Variants in PTK2 observed in about 807,000 individuals in gnomAD.
The protein encoded by PTK2 is protein tyrosine kinase 2.
Under a neutral mutation model 150.1 loss-of-function variants are expected in PTK2, and 45 were observed. The observed-to-expected ratio is 0.30, with a 90% CI of 0.24 to 0.38. PTK2 has a LOEUF of 0.38. Among genes scored for constraint, PTK2 ranks in the 10% least tolerant of loss-of-function variants. The pLI is 1.00. For synonymous variants in PTK2, 432 were observed against 449.2 expected (o/e 0.96, Z 0.48); for missense variants, 919 against 1,307.3 (o/e 0.70, Z 4.58).
At chr8:140,832,816 A>G (rs1171110438) in intron 7 of PTK2, 1 of 518,768 alleles carries the variant, frequency 1.9e-6, no homozygotes, top group Non-Finnish European at 3.8e-6. Context: ...AAACAGACCC[A>G]TGGGCAAGGT....
At chr8:140,854,441 T>C (rs924665519) in intron 5 of PTK2, among the ~76,000 whole-genome samples, 16 of 152,162 alleles carry the variant, frequency 1.1e-4, no homozygotes, top group African/African-American at 3.9e-4. Context: ...CTTTAACAAA[T>C]GAAAGTTGTG....
chr8:140,900,497 G>C (rs1042060207), intron 2 of PTK2, among the ~76,000 whole-genome samples: 111 of 152,104 alleles, frequency 7.3e-4, no homozygotes, highest in African/African-American at 2.6e-3. Flanking sequence ...CAAGGCAGGC[G>C]TATCACTAGA....
At chr8:140,698,122 G>A (rs1418243941) in intron 26 of PTK2, among the ~76,000 whole-genome samples, 1 of 152,010 alleles carries the variant, frequency 6.6e-6, no homozygotes, top group Non-Finnish European at 1.5e-5. Context: ...ATACTCTGCT[G>A]CCTCCCCCAA....
chr8:140,995,297 C>A (rs1456377678), intron 1 of PTK2, among the ~76,000 whole-genome samples: 11 of 147,614 alleles, frequency 7.5e-5, no homozygotes, highest in Admixed American at 3.4e-4. Context: ...GCAGGCGAAT[C>A]GCTTGAACCT....
intron 1 of PTK2, among the ~76,000 whole-genome samples, chr8:140,928,232 T>G (rs932267885): frequency 2.0e-5 from 3 of 152,014 alleles, no homozygotes; most frequent in East Asian, 3.8e-4. Flanking sequence ...ATCTAAAAAT[T>G]TGTATCATTA....
intron 1 of PTK2, among the ~76,000 whole-genome samples, chr8:140,972,241 T>A (rs1262513086): frequency 6.6e-6 from 1 of 152,128 alleles, no homozygotes; most frequent in Non-Finnish European, 1.5e-5. Context: ...TATGCTCAAT[T>A]GTTTTTATTA....
At chr8:140,846,984 T>A (rs2100125968) in intron 5 of PTK2, among the ~76,000 whole-genome samples, 1 of 152,068 alleles carries the variant, frequency 6.6e-6, no homozygotes, top group Non-Finnish European at 1.5e-5. Flanking sequence ...AAAAAATAAT[T>A]AAAGAAATAA....
chr8:140,785,131 T>C (rs1039790988), intron 14 of PTK2, among the ~76,000 whole-genome samples: 1 of 152,138 alleles, frequency 6.6e-6, no homozygotes, highest in Non-Finnish European at 1.5e-5. Flanking sequence ...TAATGATTCC[T>C]AGGAAAAAAT....
chr8:140,835,607 A>T (rs964605655), intron 7 of PTK2, among the ~76,000 whole-genome samples: 2 of 152,118 alleles, frequency 1.3e-5, no homozygotes, highest in African/African-American at 4.8e-5. Context: ...CATCCTGGGG[A>T]TGAAGTTGTC....
chr8:140,950,927 A>G (rs1468300706), intron 1 of PTK2, among the ~76,000 whole-genome samples: 1 of 152,116 alleles, frequency 6.6e-6, no homozygotes, highest in Non-Finnish European at 1.5e-5. Context: ...CCCCACAGAT[A>G]TGGAGGGATC....
intron 2 of PTK2, among the ~76,000 whole-genome samples, chr8:140,892,033 T>C (rs944498560): frequency 2.6e-5 from 4 of 151,780 alleles, no homozygotes; most frequent in East Asian, 3.9e-4. Flanking sequence ...TGACAAGACC[T>C]TGTCTCTACT....
chr8:140,778,502 CAAGGCAGGCA>C (rs1376007427), intron 14 of PTK2, among the ~76,000 whole-genome samples: 1 of 152,174 alleles, frequency 6.6e-6, no homozygotes, highest in Non-Finnish European at 1.5e-5. Context: ...ATTGTGAGAT[CAAGGCAGGCA>C]GCACTTATGG....
chr8:140,931,082 A>G (rs1416617165), intron 1 of PTK2, among the ~76,000 whole-genome samples: 7 of 151,542 alleles, frequency 4.6e-5, no homozygotes, highest in African/African-American at 1.5e-4. Flanking sequence ...AAAAAAAAAA[A>G]AAAAAGAAAA....
chr8:140,898,576 A>G lies in PTK2; in HGVS notation c.-32-7807T>C, dbSNP rs553709369. Among the ~76,000 whole-genome samples the G allele has an allele frequency of 2.3e-4, 35 of 152,352 alleles. No homozygotes were observed. In the South Asian group the frequency reaches 7.0e-3, roughly 31 times the overall value. On this transcript the variant is annotated intron_variant, in intron 2 of 31. Transcript: ENST00000522684. ...AGTTCCAAGTCCAGATGTGAAGAAA[A>G]AAGTGTTACTAACCTCTGGAGTTAA...
In PTK2 at chr8:140,769,812, G is replaced by A. The variant is rs2100074535; in HGVS notation, c.1178-5522C>T. ...CTTGAATTTGAGGGCATAATGCTAAGTTTAAAGCTGTCAATGTATTACATG... is the reference window on the plus strand; with the variant it reads ...CTTGAATTTGAGGGCATAATGCTAAATTTAAAGCTGTCAATGTATTACATG... On this transcript the variant is annotated intron_variant, in intron 14 of 31. Transcript: ENST00000522684. 5.3e-5 allele frequency among the ~76,000 whole-genome samples: 8 copies of A among 152,320 alleles called. No individual in the cohort carries two copies. In the South Asian group the frequency reaches 1.7e-3, roughly 32 times the overall value.
At chr8:140,720,826 T>C (rs1166080548) in intron 22 of PTK2, among the ~76,000 whole-genome samples, 1 of 152,216 alleles carries the variant, frequency 6.6e-6, no homozygotes, top group East Asian at 1.9e-4. Flanking sequence ...CGATCTCAGC[T>C]CACTGCAACC....
chr8:140,809,008 C>G (rs1017597627), intron 10 of PTK2, among the ~76,000 whole-genome samples: 1 of 152,076 alleles, frequency 6.6e-6, no homozygotes, highest in African/African-American at 2.4e-5. Flanking sequence ...GCTGGGATTA[C>G]AGGCATGAGC....
chr8:140,737,536 T>TG (rs1321760440), intron 21 of PTK2, among the ~76,000 whole-genome samples: 1 of 152,254 alleles, frequency 6.6e-6, no homozygotes, highest in East Asian at 1.9e-4. Context: ...GGGAGGAGAA[T>TG]GTTGAAAACT....
intron 5 of PTK2, among the ~76,000 whole-genome samples, chr8:140,856,260 G>C (rs910414002): frequency 7.9e-5 from 12 of 152,064 alleles, no homozygotes; most frequent in African/African-American, 2.9e-4. Flanking sequence ...TCACACAACT[G>C]TAAAGGATCA....
Sources: allele counts gnomAD v4.1 joint callset (sites outside exome capture counted in the v4.1 genomes callset), GRCh38; gene constraint gnomAD v4.1.1; transcripts MANE v1.5; gene names NCBI Gene and HGNC (gene_info 2026-07-23, HGNC 2026-07-21).